The following DLGAP2 variants were observed in gnomAD, a reference collection of about 807,000 sequenced individuals.
The protein encoded by DLGAP2 is disks large-associated protein 2.
In DLGAP2, 26 loss-of-function variants were observed where a neutral mutation model predicts 100.3. The observed-to-expected ratio is 0.26, with a 90% CI of 0.19 to 0.36. The LOEUF is 0.36. Ranked by LOEUF, DLGAP2 falls within the 10% of genes least tolerant of loss-of-function variation. The pLI is 1.00. For missense variants in DLGAP2, 1,858 were observed against 1,453.2 expected (o/e 1.28, Z -4.53); for synonymous variants, 886 against 630.1 (o/e 1.41, Z -6.08).
intron 2 of DLGAP2, among the ~76,000 whole-genome samples, chr8:1,136,442 C>T (rs1679281392): frequency 6.6e-6 from 1 of 152,204 alleles, no homozygotes; most frequent in Non-Finnish European, 1.5e-5. Flanking sequence ...AGCTCTCTGG[C>T]TCCCCATACA....
At chr8:809,986 C>G (rs1318502454) in intron 1 of DLGAP2, among the ~76,000 whole-genome samples, 1 of 152,230 alleles carries the variant, frequency 6.6e-6, no homozygotes, top group African/African-American at 2.4e-5. Context: ...GCCCTCAGCT[C>G]TGGGACTAAC....
At chr8:831,951 T>G (rs1423877772) in intron 1 of DLGAP2, among the ~76,000 whole-genome samples, 1 of 152,240 alleles carries the variant, frequency 6.6e-6, no homozygotes, top group Non-Finnish European at 1.5e-5. Context: ...TGATTTGCAG[T>G]TCTCTAATCA....
intron 1 of DLGAP2, among the ~76,000 whole-genome samples, chr8:823,675 T>A (rs543104180): frequency 6.6e-6 from 1 of 152,234 alleles, no homozygotes; most frequent in South Asian, 2.1e-4. Flanking sequence ...GGCGCCTGCC[T>A]CCAGCTGCCA....
At chr8:1,280,932 A>T (rs1799802087) in intron 3 of DLGAP2, among the ~76,000 whole-genome samples, 1 of 152,242 alleles carries the variant, frequency 6.6e-6, no homozygotes, top group Admixed American at 6.5e-5. Context: ...CGTTTGTATC[A>T]GAAGCTATAT....
At chr8:1,354,405 C>T (rs548466945) in intron 3 of DLGAP2, among the ~76,000 whole-genome samples, 157 of 152,154 alleles carry the variant, frequency 1.0e-3, no homozygotes, top group African/African-American at 3.5e-3. Context: ...CCCAGCTACT[C>T]GGGAGACTGA....
Position 1,594,139 on chromosome 8 carries a change from G to A in DLGAP2, c.1442+28245G>A, listed in dbSNP as rs375408862. 1.5e-4 allele frequency among the ~76,000 whole-genome samples: 23 copies of A among 152,298 alleles called. No homozygotes were observed. The South Asian group carries it at 3.7e-3, about 25-fold the overall frequency. On this transcript the variant is annotated intron_variant, in intron 6 of 14. Transcript: ENST00000637795. ...GACCCTCAGAATCTCTGAATGATTG[G>A]TGGGGGTCTTCTCATGTATAAGACA...
At chr8:1,657,272 A>G (rs1394555228) in intron 8 of DLGAP2, among the ~76,000 whole-genome samples, 2 of 152,270 alleles carry the variant, frequency 1.3e-5, no homozygotes, top group African/African-American at 4.8e-5. Flanking sequence ...GACTAGAATT[A>G]CATTGCTAAA....
At chr8:1,668,260 G>A (rs1798594558) in intron 8 of DLGAP2, 69 bp from the exon 9 acceptor site, 1 of 1,386,676 alleles carries the variant, frequency 7.2e-7, no homozygotes, top group Non-Finnish European at 9.6e-7. Context: ...CATGGGCGTG[G>A]GGAAACAGTA....
rs61658473 is a variant in DLGAP2 at position 1,175,905 on chromosome 8, C to G, written c.74-82946C>G. ...ATTATCCACATAGCCATGGGGAGGT[C>G]GCATCCTCCCTCTCGGCTTTGCCAT... On this transcript the variant is annotated intron_variant, in intron 2 of 14. Transcript: ENST00000637795. Among the ~76,000 whole-genome samples the G allele has an allele frequency of 2.6e-5, 4 of 152,274 alleles. No homozygotes were observed. In the East Asian group the frequency reaches 7.7e-4, roughly 29 times the overall value.
At chr8:1,095,358 G>T (rs1804332463) in intron 2 of DLGAP2, among the ~76,000 whole-genome samples, 1 of 152,186 alleles carries the variant, frequency 6.6e-6, no homozygotes, top group Non-Finnish European at 1.5e-5. Context: ...ACACGAGGCT[G>T]GTCCCACCCC....
At chr8:1,072,385 A>G (rs551385072) in intron 2 of DLGAP2, among the ~76,000 whole-genome samples, 6 of 152,332 alleles carry the variant, frequency 3.9e-5, no homozygotes, top group South Asian at 2.1e-4. Context: ...TGGTCATCCA[A>G]TGAAAATTTG....
chr8:904,962 T>C (rs1434219550), intron 1 of DLGAP2, among the ~76,000 whole-genome samples: 1 of 152,164 alleles, frequency 6.6e-6, no homozygotes, highest in Non-Finnish European at 1.5e-5. Flanking sequence ...CCAGAGCCGG[T>C]GCGGCAAGCG....
chr8:1,003,591 G>T (rs1183234587), intron 2 of DLGAP2, among the ~76,000 whole-genome samples: 1 of 152,214 alleles, frequency 6.6e-6, no homozygotes, highest in Non-Finnish European at 1.5e-5. Flanking sequence ...GATGGCCAAG[G>T]TTGCCCAGGC....
In DLGAP2 at chr8:1,492,189, A is replaced by G. The variant is rs570834447; in HGVS notation, c.107-9177A>G. ...CCAAAATAAAATTACGATCATTTCTATGGTTTTCAAAGAAAAGCCATTAGT... is the reference window on the plus strand; with the variant it reads ...CCAAAATAAAATTACGATCATTTCTGTGGTTTTCAAAGAAAAGCCATTAGT... On this transcript the variant is annotated intron_variant, in intron 3 of 14. Transcript: ENST00000637795. Among the ~76,000 whole-genome samples, 79 of 152,318 alleles carry G rather than the reference A, an allele frequency of 5.2e-4. 2 individuals carry two copies. The highest frequency in any genetic ancestry group is 1.8e-3 in the African/African-American group (74 of 41,576).
chr8:1,456,937 G>A (rs1405404598), intron 3 of DLGAP2, among the ~76,000 whole-genome samples: 2 of 152,136 alleles, frequency 1.3e-5, no homozygotes, highest in Admixed American at 1.3e-4. Context: ...CGGTCTCTCA[G>A]TGACAACACA....
intron 2 of DLGAP2, among the ~76,000 whole-genome samples, chr8:1,161,046 A>C (rs995145710): frequency 6.6e-6 from 1 of 152,262 alleles, no homozygotes; most frequent in East Asian, 1.9e-4. Context: ...TCCTGAAGGT[A>C]CTTAAAAAAT....
intron 1 of DLGAP2, among the ~76,000 whole-genome samples, chr8:894,297 G>A (rs542276323): frequency 2.6e-5 from 4 of 152,294 alleles, no homozygotes; most frequent in African/African-American, 9.6e-5. Flanking sequence ...AGACATCTCT[G>A]TGTTACAGAG....
chr8:1,178,622 C>G (rs1213234735), intron 2 of DLGAP2, among the ~76,000 whole-genome samples: 1 of 151,996 alleles, frequency 6.6e-6, no homozygotes, highest in Non-Finnish European at 1.5e-5. Flanking sequence ...TTAATTTTGC[C>G]CAGATTCTGA....
rs564196474 is a variant in DLGAP2, at chr8:1,190,856, C to T, written c.74-67995C>T. 1.2e-4 allele frequency among the ~76,000 whole-genome samples: 19 copies of T among 152,278 alleles called. No individual in the cohort carries two copies. In the East Asian group the frequency reaches 2.3e-3, roughly 19 times the overall value. On this transcript the variant is annotated intron_variant, in intron 2 of 14. Coordinates refer to ENST00000637795, the MANE Select transcript of DLGAP2 (RefSeq NM_001346810.2). Reference sequence around the variant, plus strand: ...CCAGAGCCCAGGCTCCAGGCGCACGCAGCAGCAAGCGTGGGGTCTGTGGCC... The same window carrying T: ...CCAGAGCCCAGGCTCCAGGCGCACGTAGCAGCAAGCGTGGGGTCTGTGGCC...
Sources: gnomAD v4.1 joint callset for allele counts (sites outside exome capture counted in the v4.1 genomes callset) on GRCh38, gnomAD v4.1.1 for gene constraint, MANE v1.5 for transcripts, NCBI Gene and HGNC (gene_info 2026-07-23, HGNC 2026-07-21) for gene names.